Variants in STON2 observed in about 807,000 individuals in gnomAD.
STON2 encodes stonin 2, also known as stonin-2.
Under a neutral mutation model 65.7 loss-of-function variants are expected in STON2, and 29 were observed. The ratio of observed to expected loss-of-function variants is 0.44; its 90% CI spans 0.33 to 0.60. STON2 has a LOEUF of 0.60. STON2 is among the 20% of genes least tolerant of loss of function. The pLI, the probability that STON2 is intolerant of heterozygous loss-of-function variation, is 0.03. For missense variants in STON2, 1,054 were observed against 1,118.1 expected, an observed-to-expected ratio of 0.94 and a Z score of 0.82; for synonymous variants, 404 against 414.2, an observed-to-expected ratio of 0.98 and a Z score of 0.30.
intron 5 of STON2, among the ~76,000 whole-genome samples, chr14:81,321,370 TAAAAAAA>T (rs566882924): frequency 4.7e-5 from 6 of 126,724 alleles, no homozygotes; most frequent in South Asian, 2.5e-4. Flanking sequence ...GTTTCTACTT[TAAAAAAA>T]AAAAAAAAAA....
intron 5 of STON2, chr14:81,278,953 A>C: frequency 2.5e-6 from 1 of 405,336 alleles, no homozygotes; most frequent in Non-Finnish European, 4.3e-6. Context: ...TGCAATAAGA[A>C]CCCAATGGCT....
At chr14:81,388,690 A>T (rs1328012676) in intron 3 of STON2, among the ~76,000 whole-genome samples, 4 of 152,194 alleles carry the variant, frequency 2.6e-5, no homozygotes, top group Non-Finnish European at 5.9e-5. Flanking sequence ...CTTTATTCTT[A>T]GGTGGCACAG....
chr14:81,328,859 A>G (rs1355748565), intron 4 of STON2, among the ~76,000 whole-genome samples: 3 of 152,096 alleles, frequency 2.0e-5, no homozygotes, highest in Non-Finnish European at 2.9e-5. Context: ...TGTGCATGCC[A>G]GCTTCCCTTG....
At position 81,267,511 on chromosome 14, in the gene STON2, C is replaced by A. The variant is rs924121928; in HGVS notation, c.*903G>T. 1 of 985,246 alleles carries A rather than the reference C, an allele frequency of 1.0e-6. No homozygotes were observed. Among genetic ancestry groups the A allele is most frequent in the Non-Finnish European group, 1.2e-6 (1 of 829,890 alleles). The allele number at this position is 985,246 out of a possible 1,614,324, so 61.0% of individuals were successfully genotyped here. On this transcript the variant is annotated 3_prime_UTR_variant, in exon 8 of 8. Coordinates refer to ENST00000614646, the MANE Select transcript of STON2 (RefSeq NM_001394390.1). ...AAAAAGAACTCCCAAATGCCCCTTA[C>A]AAATGCCTCAGGTATTATGTATATT...
intron 3 of STON2, among the ~76,000 whole-genome samples, chr14:81,383,721 C>T (rs574835132): frequency 6.6e-6 from 1 of 152,170 alleles, no homozygotes; most frequent in Non-Finnish European, 1.5e-5. Context: ...CTTGCCTCCA[C>T]CTCTGTCCTC....
upstream of STON2, among the ~76,000 whole-genome samples, chr14:81,402,549 G>A (rs982377464): frequency 2.0e-5 from 3 of 152,176 alleles, no homozygotes; most frequent in Non-Finnish European, 4.4e-5. Context: ...GGAGGGGTCT[G>A]AGCAAAAGAG....
intron 5 of STON2, among the ~76,000 whole-genome samples, chr14:81,316,876 C>T (rs1276040637): frequency 6.6e-6 from 1 of 152,066 alleles, no homozygotes; most frequent in Non-Finnish European, 1.5e-5. Flanking sequence ...AAAAATTAGC[C>T]GGGCATTGTG....
chr14:81,284,670 G>A (rs1895263906), intron 5 of STON2, among the ~76,000 whole-genome samples: 1 of 152,210 alleles, frequency 6.6e-6, no homozygotes, highest in Middle Eastern at 3.4e-3. Context: ...GCTACACTAA[G>A]CAACAGATTT....
intron 2 of STON2, among the ~76,000 whole-genome samples, chr14:81,421,003 T>C (rs1425509135): frequency 2.0e-5 from 3 of 152,054 alleles, no homozygotes; most frequent in Non-Finnish European, 2.9e-5. Context: ...TAAGGCATGA[T>C]GTGAAGGGAG....
rs1220099493 is a variant in STON2, at chr14:81,283,529, CA to C, written c.743-4791del. Among the ~76,000 whole-genome samples the C allele has an allele frequency of 1.7e-4, 16 of 95,420 alleles. No individual in the cohort carries two copies. In the East Asian group the frequency reaches 4.0e-3, roughly 24 times the overall value. The allele number at this position is 95,420 out of a possible 152,430, so 62.6% of individuals were successfully genotyped here. On this transcript the variant is annotated intron_variant, in intron 5 of 7. Transcript: ENST00000614646. ...TTTGTACTGCACTTTACAGATACTG[CA>C]TTTTTTTTTTTTTTTTTTGAGATGG...
chr14:81,355,945 G>A (rs146641655), intron 4 of STON2, among the ~76,000 whole-genome samples: 16,541 of 151,614 alleles, frequency 0.11, 1,034 homozygotes, highest in East Asian at 0.23. Context: ...CAATCATGTC[G>A]TCTGCAAACA....
chr14:81,389,568 A>C (rs1383335352), intron 3 of STON2, among the ~76,000 whole-genome samples: 1 of 152,230 alleles, frequency 6.6e-6, no homozygotes. Context: ...TTTAGACAAA[A>C]AGCACGAGAG....
chr14:81,420,623 CCAATTTGGGGT>C (rs948618710), intron 2 of STON2, among the ~76,000 whole-genome samples: 9 of 151,944 alleles, frequency 5.9e-5, no homozygotes, highest in Non-Finnish European at 8.8e-5. Flanking sequence ...GACACCTAGC[CCAATTTGGGGT>C]CAGTGAAGAA....
chr14:81,271,982 G>A (rs752748967), intron 6 of STON2, among the ~76,000 whole-genome samples: 1 of 152,106 alleles, frequency 6.6e-6, no homozygotes, highest in East Asian at 1.9e-4. Context: ...TGAACCTAGC[G>A]GGAGGCCGAG....
Position 81,398,280 on chromosome 14 carries a change from G to T in STON2, c.88+15C>A. 6.3e-7 allele frequency: 1 copy of T among 1,592,970 alleles called. No homozygotes were observed. The highest frequency in any genetic ancestry group is 8.6e-7 in the Non-Finnish European group (1 of 1,163,692). ...TGACAATCTCTTCACTTTAGGAAAC[G>T]AAGGCACTCCTTACCCTGCGAGTGG... On this transcript the variant is annotated intron_variant, in intron 2 of 7. Coordinates refer to ENST00000614646, the MANE Select transcript of STON2 (RefSeq NM_001394390.1).
rs1173825037 is a variant in STON2 at position 81,277,382 on chromosome 14, A to G, written c.2100T>C (p.His700=). ...CCACACACCCATGGAAACGGCACTC[A>G]TGGAGCTTGATCCACTTTGTGGTGG... ...PTTTTKWIKL[H]ECRFHGCVDE... Residue 700 remains histidine (H), a synonymous_variant, in exon 6 of 8, where the codon CAT becomes CAC. Transcript: ENST00000614646. 1 of 1,614,070 alleles carries G rather than the reference A, an allele frequency of 6.2e-7. No individual in the cohort carries two copies. Among genetic ancestry groups the G allele is most frequent in the Non-Finnish European group, 8.5e-7 (1 of 1,180,044 alleles).
chr14:81,336,881 G>C (rs1205212017), intron 4 of STON2, among the ~76,000 whole-genome samples: 2 of 152,172 alleles, frequency 1.3e-5, no homozygotes, highest in Non-Finnish European at 2.9e-5. Flanking sequence ...TCAGATGAGT[G>C]ATCAGCAGGA....
At chr14:81,355,240 T>G (rs995678609) in intron 4 of STON2, among the ~76,000 whole-genome samples, 1 of 151,904 alleles carries the variant, frequency 6.6e-6, no homozygotes, top group South Asian at 2.1e-4. Context: ...AAAATAATAG[T>G]TGAAAATTTC....
intron 4 of STON2, among the ~76,000 whole-genome samples, chr14:81,339,369 AC>A (rs1478437357): frequency 6.6e-6 from 1 of 152,160 alleles, no homozygotes; most frequent in African/African-American, 2.4e-5. Context: ...TGCGGGAGGG[AC>A]ACAGGCAGAG....
Sources: gnomAD v4.1 joint callset for allele counts (sites outside exome capture counted in the v4.1 genomes callset) on GRCh38, gnomAD v4.1.1 for gene constraint, MANE v1.5 for transcripts, NCBI Gene and HGNC (gene_info 2026-07-23, HGNC 2026-07-21) for gene names.